The following GLIS3 variants were observed in gnomAD, a reference collection of about 807,000 sequenced individuals.
GLIS3 encodes GLIS family zinc finger 3, also known as zinc finger protein GLIS3.
GLIS3 carries 53 observed loss-of-function variants against 78.6 expected under a neutral mutation model. That is an observed-to-expected ratio of 0.67 (90% CI 0.54 to 0.85). The LOEUF is 0.85. GLIS3 is among the 40% of genes least tolerant of loss of function. The pLI is 0.00. For synonymous variants in GLIS3, 684 were observed against 509.9 expected (o/e 1.34, Z -4.60); for missense variants, 1,703 against 1,231.1 (o/e 1.38, Z -5.74).
intron 2 of GLIS3, among the ~76,000 whole-genome samples, chr9:4,199,610 A>G (rs1819182009): frequency 6.6e-6 from 1 of 151,996 alleles, no homozygotes; most frequent in Admixed American, 6.5e-5. Flanking sequence ...AGACTTAACT[A>G]TCCTAAATAC....
At chr9:4,254,104 G>C (rs1029754056) in intron 2 of GLIS3, among the ~76,000 whole-genome samples, 1 of 152,202 alleles carries the variant, frequency 6.6e-6, no homozygotes, top group Non-Finnish European at 1.5e-5. Context: ...TAACCAGACA[G>C]ATTTCCTAAA....
intron 2 of GLIS3, among the ~76,000 whole-genome samples, chr9:4,325,056 C>T (rs1378358873): frequency 6.6e-6 from 1 of 152,144 alleles, no homozygotes; most frequent in African/African-American, 2.4e-5. Context: ...ACCACAGAAT[C>T]ACTCAGAAAT....
chr9:3,962,828 G>C (rs1370195378), intron 4 of GLIS3, among the ~76,000 whole-genome samples: 1 of 151,810 alleles, frequency 6.6e-6, no homozygotes, highest in Non-Finnish European at 1.5e-5. Context: ...TTCAGGAGGA[G>C]TAAGCTAAAA....
intron 4 of GLIS3, among the ~76,000 whole-genome samples, chr9:4,063,472 C>T (rs1378539368): frequency 2.0e-5 from 3 of 151,318 alleles, no homozygotes; most frequent in South Asian, 2.1e-4. Context: ...TGTAATTTAG[C>T]GCATTAACAG....
chr9:4,481,744 G>A, the GLIS3 span, among the ~76,000 whole-genome samples: 12 of 152,120 alleles, frequency 7.9e-5, no homozygotes, highest in East Asian at 1.9e-3. Flanking sequence ...ACATCTTTGG[G>A]TATTTTTTTC....
chr9:3,901,960 T>G (rs1823336853), intron 6 of GLIS3, among the ~76,000 whole-genome samples: 1 of 152,184 alleles, frequency 6.6e-6, no homozygotes. Flanking sequence ...GGTCCACATG[T>G]TTTACCAAGG....
At chr9:3,872,796 T>C (rs1488589497) in intron 8 of GLIS3, among the ~76,000 whole-genome samples, 1 of 152,188 alleles carries the variant, frequency 6.6e-6, no homozygotes, top group Non-Finnish European at 1.5e-5. Flanking sequence ...AAGGGAAGTT[T>C]GTAGCAATAA....
At chr9:3,913,755 G>A (rs796456715) in intron 6 of GLIS3, among the ~76,000 whole-genome samples, 1 of 152,048 alleles carries the variant, frequency 6.6e-6, no homozygotes, top group Non-Finnish European at 1.5e-5. Context: ...TCTACATTTT[G>A]TAATAGCTAT....
At chr9:4,438,624 A>G in the GLIS3 span, among the ~76,000 whole-genome samples, 3 of 152,210 alleles carry the variant, frequency 2.0e-5, no homozygotes, top group East Asian at 3.8e-4. Flanking sequence ...CTTGAATTGT[A>G]ATAATCCCCA....
the GLIS3 span, among the ~76,000 whole-genome samples, chr9:4,358,709 C>T: frequency 3.0e-4 from 45 of 152,160 alleles, no homozygotes; most frequent in Non-Finnish European, 5.9e-4. Context: ...GGAATGGGCA[C>T]ACGTGTGTAT....
At chr9:3,945,417 C>T (rs1323766914) in intron 4 of GLIS3, among the ~76,000 whole-genome samples, 2 of 152,080 alleles carry the variant, frequency 1.3e-5, no homozygotes, top group African/African-American at 4.8e-5. Context: ...ATGAATGGAC[C>T]ATGAACATAT....
chr9:3,843,254 C>T (rs920355698), intron 9 of GLIS3, among the ~76,000 whole-genome samples: 2 of 152,160 alleles, frequency 1.3e-5, no homozygotes, highest in African/African-American at 4.8e-5. Flanking sequence ...AAATTTCCAG[C>T]ACTCTAATCT....
chr9:4,247,919 TCA>T (rs1436571820), intron 2 of GLIS3, among the ~76,000 whole-genome samples: 2 of 152,278 alleles, frequency 1.3e-5, no homozygotes, highest in East Asian at 1.9e-4. Flanking sequence ...GAAATTACTC[TCA>T]GTTATTTTGA....
intron 9 of GLIS3, among the ~76,000 whole-genome samples, chr9:3,833,652 A>T (rs1818179124): frequency 6.6e-6 from 1 of 152,218 alleles, no homozygotes; most frequent in South Asian, 2.1e-4. Context: ...CTTGTCTTTG[A>T]GGATTGATAA....
At chr9:4,316,162 A>G (rs1394520741) in intron 2 of GLIS3, among the ~76,000 whole-genome samples, 2 of 152,102 alleles carry the variant, frequency 1.3e-5, no homozygotes, top group African/African-American at 4.8e-5. Context: ...AACAAAAAAG[A>G]TTTCTCCACC....
At chr9:3,942,962 CAGTT>C (rs1816041540) in intron 4 of GLIS3, among the ~76,000 whole-genome samples, 1 of 149,174 alleles carries the variant, frequency 6.7e-6, no homozygotes, top group African/African-American at 2.5e-5. Flanking sequence ...GGTGGTGAAA[CAGTT>C]AAATCTAATT....
At chr9:3,935,441 T>C (rs575200054) in intron 5 of GLIS3, among the ~76,000 whole-genome samples, 1 of 152,188 alleles carries the variant, frequency 6.6e-6, no homozygotes, top group Admixed American at 6.5e-5. Context: ...TAAAAAGATA[T>C]ATATTTTTAT....
At chr9:4,350,295 G>C (rs969588524), upstream of GLIS3, among the ~76,000 whole-genome samples, 2 of 152,156 alleles carry the variant, frequency 1.3e-5, no homozygotes, top group Non-Finnish European at 2.9e-5. Context: ...TGAGGAACTG[G>C]GCACGTTTAA....
intron 4 of GLIS3, chr9:4,034,459 A>C (rs1824140200): frequency 6.6e-6 from 1 of 152,208 alleles, no homozygotes. Context: ...AATTAAGGAG[A>C]GAATTTCCCA....
Sources: allele counts gnomAD v4.1 joint callset (sites outside exome capture counted in the v4.1 genomes callset), GRCh38; gene constraint gnomAD v4.1.1; transcripts MANE v1.5; gene names NCBI Gene and HGNC (gene_info 2026-07-23, HGNC 2026-07-21).